FOXK1: variants seen among roughly 807,000 people sequenced by gnomAD.
The protein encoded by FOXK1 is forkhead box protein K1.
Under a neutral mutation model 51.9 loss-of-function variants are expected in FOXK1, and 19 were observed. That is an observed-to-expected ratio of 0.37 (90% confidence interval 0.26 to 0.54). The LOEUF is 0.54. Among genes scored for constraint, FOXK1 ranks in the 20% least tolerant of loss-of-function variants. The pLI is 0.87. For synonymous variants in FOXK1, 537 were observed against 482.6 expected (o/e 1.11, Z -1.48); for missense variants, 870 against 1,032.7 (o/e 0.84, Z 2.16).
Position 4,711,728 on chromosome 7 carries a change from T to C in FOXK1, c.560+28860T>C, listed in dbSNP as rs1445146733. Among the ~76,000 whole-genome samples the C allele has an allele frequency of 1.3e-5, 2 of 152,234 alleles. No individual in the cohort carries two copies. Among genetic ancestry groups the C allele is most frequent in the Non-Finnish European group, 2.9e-5 (2 of 68,046 alleles). On this transcript the variant is annotated intron_variant, in intron 1 of 8. Coordinates refer to ENST00000328914, the MANE Select transcript of FOXK1 (RefSeq NM_001037165.2). The surrounding 1 kb of genome is among the most constrained non-coding windows in gnomAD (Gnocchi z 6.3). ...CCGTGTCTTGTCAGGAGGCCAGCTCTGTGTCACCCACCAGGCTGGGCTCAG... is the reference window on the plus strand; with the variant it reads ...CCGTGTCTTGTCAGGAGGCCAGCTCCGTGTCACCCACCAGGCTGGGCTCAG...
rs1056006082 is a variant in FOXK1, at chr7:4,733,953, C to T, written c.561-6885C>T. Among the ~76,000 whole-genome samples the T allele has an allele frequency of 6.6e-6, 1 of 152,216 alleles. No individual in the cohort carries two copies. Among genetic ancestry groups the T allele is most frequent in the Non-Finnish European group, 1.5e-5 (1 of 68,026 alleles). On this transcript the variant is annotated intron_variant, in intron 1 of 8. Coordinates refer to ENST00000328914, the MANE Select transcript of FOXK1 (RefSeq NM_001037165.2). This position sits in a 1 kb window ranked among gnomAD's most constrained non-coding sequence, Gnocchi z 5.0. ...CGCCAACCCTGGACTTCCCCCAGAG[C>T]TCATCTGGGTGGCAGGTGCTGGCCA...
chr7:4,710,259 A>C (rs963399922), intron 1 of FOXK1, among the ~76,000 whole-genome samples: 3 of 152,226 alleles, frequency 2.0e-5, no homozygotes, highest in Non-Finnish European at 4.4e-5. Context: ...CAGAAAGTAC[A>C]GGATAGGCCA....
In FOXK1 at chr7:4,734,806, C is replaced by T. The variant is rs1718744819; in HGVS notation, c.561-6032C>T. Among the ~76,000 whole-genome samples the T allele has an allele frequency of 6.6e-6, 1 of 152,208 alleles. No individual in the cohort carries two copies. Among genetic ancestry groups the T allele is most frequent in the African/African-American group, 2.4e-5 (1 of 41,454 alleles). On this transcript the variant is annotated intron_variant, in intron 1 of 8. Coordinates refer to ENST00000328914, the MANE Select transcript of FOXK1 (RefSeq NM_001037165.2). The surrounding 1 kb of genome is among the most constrained non-coding windows in gnomAD (Gnocchi z 5.2). ...CTGCCGCTTCTGTGTTGGGTGCCCTCGTCCAGGCCTCGGGTTCACCCCATC... is the reference window on the plus strand; with the variant it reads ...CTGCCGCTTCTGTGTTGGGTGCCCTTGTCCAGGCCTCGGGTTCACCCCATC...
intron 1 of FOXK1, among the ~76,000 whole-genome samples, chr7:4,686,146 G>A (rs1005012306): frequency 6.6e-6 from 1 of 152,132 alleles, no homozygotes; most frequent in Non-Finnish European, 1.5e-5. Flanking sequence ...TATTGCCACT[G>A]CTACTGGAAA....
Position 4,756,892 on chromosome 7 carries a change from G to A in FOXK1, c.1051-102G>A, listed in dbSNP as rs1236443763. The A allele has an allele frequency of 7.7e-6, 10 of 1,294,386 alleles. No homozygotes were observed. The highest frequency in any genetic ancestry group is 4.4e-5 in the African/African-American group (3 of 68,452). 80.2% of individuals were successfully genotyped at this position (1,294,386 alleles called of 1,614,324 possible). On this transcript the variant is annotated intron_variant, in intron 4 of 8. Coordinates refer to ENST00000328914, the MANE Select transcript of FOXK1 (RefSeq NM_001037165.2). This position sits in a 1 kb window ranked among gnomAD's most constrained non-coding sequence, Gnocchi z 4.1. ...CACCAAGGGCTCTGCACAGAGGGAC[G>A]GCCTCCCCTCACCCTGGTCCCGCAT...
intron 1 of FOXK1, among the ~76,000 whole-genome samples, chr7:4,737,612 T>C (rs934255081): frequency 9.2e-5 from 14 of 152,080 alleles, no homozygotes; most frequent in African/African-American, 3.4e-4. Context: ...ACTGTGTTCA[T>C]TCAGCACCGT....
Position 4,765,000 on chromosome 7 carries a change from C to A in FOXK1, c.*2536C>A. ...GGTGGTGGATGGAGCCGGGAGGTGG[C>A]GAGCACAGGACCCCGGGGCTGCATT... On this transcript the variant is annotated 3_prime_UTR_variant, in exon 9 of 9. Coordinates refer to ENST00000328914, the MANE Select transcript of FOXK1 (RefSeq NM_001037165.2). The A allele has an allele frequency of 6.6e-6, 1 of 152,556 alleles. No individual in the cohort carries two copies. The highest frequency in any genetic ancestry group is 1.5e-5 in the Non-Finnish European group (1 of 68,232). 9.5% of individuals were successfully genotyped at this position (152,556 alleles called of 1,614,324 possible).
chr7:4,744,407 C>T (rs563597928), intron 2 of FOXK1, among the ~76,000 whole-genome samples: 1 of 152,274 alleles, frequency 6.6e-6, no homozygotes, highest in Non-Finnish European at 1.5e-5. Context: ...CGCCCTCTCC[C>T]GCCTCCCTGC....
In FOXK1 at chr7:4,761,508, G is replaced by A. The variant is rs908665380; in HGVS notation, c.1921+220G>A. On this transcript the variant is annotated intron_variant, in intron 8 of 8. Coordinates refer to ENST00000328914, the MANE Select transcript of FOXK1 (RefSeq NM_001037165.2). This position sits in a 1 kb window ranked among gnomAD's most constrained non-coding sequence, Gnocchi z 6.2. ...CTTGGGAGGCCAAGGCAGGCAGATCGCTTGAGCTCAGGAGTTCGAGACCAG... is the reference window on the plus strand; with the variant it reads ...CTTGGGAGGCCAAGGCAGGCAGATCACTTGAGCTCAGGAGTTCGAGACCAG... 2.6e-4 allele frequency among the ~76,000 whole-genome samples: 39 copies of A among 152,122 alleles called. No individual in the cohort carries two copies. The highest frequency in any genetic ancestry group is 8.0e-4 in the African/African-American group (33 of 41,424).
chr7:4,762,273 G>A lies in FOXK1; in HGVS notation c.2011G>A (p.Glu671Lys), dbSNP rs1780942518. 6.4e-7 allele frequency: 1 copy of A among 1,551,124 alleles called. No homozygotes were observed. The highest frequency in any genetic ancestry group is 8.7e-7 in the Non-Finnish European group (1 of 1,147,000). The change falls in exon 9 of 9, where the codon GAG becomes AAG. Residue 671 changes from glutamate to lysine, a missense_variant. Glu to Lys is a moderately conservative substitution (Grantham distance 56). Coordinates refer to ENST00000328914, the MANE Select transcript of FOXK1 (RefSeq NM_001037165.2). The surrounding 1 kb of genome is among the most constrained non-coding windows in gnomAD (Gnocchi z 5.7). ...CCGGGTGTGCGAGGTGGGGCCCAAG[G>A]AGCCAGCAGCAGCCGTCGCGGCCAC... ...VTRVCEVGPK[E>K]PAAAVAATAT... is the part of the protein sequence containing the mutation.
intron 1 of FOXK1, among the ~76,000 whole-genome samples, chr7:4,726,411 G>C (rs2115051613): frequency 6.6e-6 from 1 of 152,262 alleles, no homozygotes; most frequent in South Asian, 2.1e-4. Flanking sequence ...TTTGAAGTCA[G>C]GAGTTCGAGA....
rs1047245959 is a variant in FOXK1 at position 4,745,141 on chromosome 7, G to A, written c.746+4118G>A. Reference sequence around the variant, plus strand: ...CTAACAGATCGGGAGGTGGGAGCGGGGCCAGGCCAGAAGAGCTGGCTGCCT... The same window carrying A: ...CTAACAGATCGGGAGGTGGGAGCGGAGCCAGGCCAGAAGAGCTGGCTGCCT... On this transcript the variant is annotated intron_variant, in intron 2 of 8. Transcript: ENST00000328914. The surrounding 1 kb of genome is among the most constrained non-coding windows in gnomAD (Gnocchi z 4.3). Among the ~76,000 whole-genome samples the A allele has an allele frequency of 3.3e-5, 5 of 152,192 alleles. No homozygotes were observed. Among genetic ancestry groups the A allele is most frequent in the Admixed American group, 1.3e-4 (2 of 15,290 alleles).
At chr7:4,737,838 C>A (rs922951037) in intron 1 of FOXK1, among the ~76,000 whole-genome samples, 1 of 152,094 alleles carries the variant, frequency 6.6e-6, no homozygotes, top group Non-Finnish European at 1.5e-5. Context: ...ATGGGTGATG[C>A]AAGGCCGGGT....
At position 4,733,773 on chromosome 7, in the gene FOXK1, C is replaced by T. The variant is rs560046798; in HGVS notation, c.561-7065C>T. ...GCCCTTGCTCTTGGGTCTGCTGTTT[C>T]TCTCACGGGAGAGGCTGCTCTGAGG... On this transcript the variant is annotated intron_variant, in intron 1 of 8. Transcript: ENST00000328914. This position sits in a 1 kb window ranked among gnomAD's most constrained non-coding sequence, Gnocchi z 5.0. 6.6e-6 allele frequency among the ~76,000 whole-genome samples: 1 copy of T among 152,340 alleles called. No homozygotes were observed. Among genetic ancestry groups the T allele is most frequent in the East Asian group, 1.9e-4 (1 of 5,186 alleles).
At chr7:4,708,219 CTTTG>C (rs965130385) in intron 1 of FOXK1, among the ~76,000 whole-genome samples, 1 of 152,088 alleles carries the variant, frequency 6.6e-6, no homozygotes, top group South Asian at 2.1e-4. Context: ...TGCTGTGTGG[CTTTG>C]TTTGGGTTCA....
chr7:4,741,845 C>T (rs971187553), intron 2 of FOXK1, among the ~76,000 whole-genome samples: 6 of 152,250 alleles, frequency 3.9e-5, no homozygotes, highest in African/African-American at 1.2e-4. Context: ...TAGGGAGTGC[C>T]GGTGAGCCCT....
intron 1 of FOXK1, among the ~76,000 whole-genome samples, chr7:4,738,436 CAAAAAAA>C (rs763097060): frequency 3.0e-5 from 3 of 99,156 alleles, no homozygotes; most frequent in Admixed American, 1.0e-4. Flanking sequence ...GACTCCGTCT[CAAAAAAA>C]AAAAAAAGAA....
At chr7:4,727,511 C>T (rs376898406) in intron 1 of FOXK1, among the ~76,000 whole-genome samples, 30 of 152,214 alleles carry the variant, frequency 2.0e-4, no homozygotes, top group African/African-American at 6.7e-4. Flanking sequence ...AGACCCGTTT[C>T]ACCATGTTGG....
rs759557213 is a variant in FOXK1 at position 4,749,163 on chromosome 7, G to A, written c.747-5296G>A. On this transcript the variant is annotated intron_variant, in intron 2 of 8. Coordinates refer to ENST00000328914, the MANE Select transcript of FOXK1 (RefSeq NM_001037165.2). This position sits in a 1 kb window ranked among gnomAD's most constrained non-coding sequence, Gnocchi z 6.0. The stretch of plus-strand genomic sequence containing the variant: ...ATTCTTATTTTTTAATTTGAAGAGC[G>A]TGTTCTTGCTCTGCAGGTGTGCTTT... 3.3e-5 allele frequency among the ~76,000 whole-genome samples: 5 copies of A among 152,202 alleles called. No homozygotes were observed. Among genetic ancestry groups the A allele is most frequent in the East Asian group, 1.9e-4 (1 of 5,178 alleles).
Sources: gnomAD v4.1 joint callset for allele counts (sites outside exome capture counted in the v4.1 genomes callset) on GRCh38, gnomAD v4.1.1 for gene constraint, Gnocchi (gnomAD v3.1) non-coding constraint, MANE v1.5 for transcripts, NCBI Gene and HGNC (gene_info 2026-07-23, HGNC 2026-07-21) for gene names.